CACNA1B: variants seen among roughly 807,000 people sequenced by gnomAD.
The protein encoded by CACNA1B is calcium voltage-gated channel subunit alpha1 B, also known as voltage-dependent N-type calcium channel subunit alpha-1B.
In CACNA1B, 70 loss-of-function variants were observed where a neutral mutation model predicts 247.2. The ratio of observed to expected loss-of-function variants is 0.28; its 90% CI spans 0.23 to 0.35. The LOEUF (loss-of-function observed/expected upper bound fraction) is 0.35. Among genes scored for constraint, CACNA1B ranks in the 10% least tolerant of loss-of-function variants. The probability of loss-of-function intolerance (pLI) is 1.00; values close to 1 mark genes in which losing one functional copy is unlikely to be tolerated. For missense variants in CACNA1B, 2,367 were observed against 3,197.4 expected (o/e 0.74, Z 6.26); for synonymous variants, 1,231 against 1,294.4 (o/e 0.95, Z 1.05).
rs538846223 is a variant in CACNA1B, at chr9:138,026,052, A to C, written c.3286+880A>C. On this transcript the variant is annotated intron_variant, in intron 20 of 46. Transcript: ENST00000371372. ...CGGATCTCCACACACAGATGTGTGC[A>C]TGTCCGTGTTTGCAGATGCATCCGC... 4.6e-5 allele frequency among the ~76,000 whole-genome samples: 7 copies of C among 152,282 alleles called. No individual in the cohort carries two copies. The South Asian group carries it at 1.5e-3, about 32-fold the overall frequency.
intron 3 of CACNA1B, among the ~76,000 whole-genome samples, chr9:137,905,809 G>A (rs1457874616): frequency 6.6e-6 from 1 of 152,178 alleles, no homozygotes; most frequent in African/African-American, 2.4e-5. Flanking sequence ...GCCTTCCTGG[G>A]GTTAAATATG....
At chr9:137,909,898 G>C (rs1957341772) in intron 3 of CACNA1B, among the ~76,000 whole-genome samples, 2 of 152,014 alleles carry the variant, frequency 1.3e-5, no homozygotes, top group Non-Finnish European at 2.9e-5. Context: ...AGCCTCCCAA[G>C]TGGTTGGGAT....
At chr9:137,948,690 A>ATGTGTGTGTGTCTGGTG (rs1957827392) in intron 6 of CACNA1B, among the ~76,000 whole-genome samples, 1 of 138,620 alleles carries the variant, frequency 7.2e-6, no homozygotes, top group Non-Finnish European at 1.6e-5. Flanking sequence ...TGTGGTGTGC[A>ATGTGTGTGTGTCTGGTG]TGTGTGTGTG....
At chr9:137,909,197 T>G (rs1321122206) in intron 3 of CACNA1B, among the ~76,000 whole-genome samples, 1 of 151,762 alleles carries the variant, frequency 6.6e-6, no homozygotes, top group Non-Finnish European at 1.5e-5. Context: ...TCCATGTTGG[T>G]CAGGCTTGTC....
At chr9:138,017,343 G>A (rs1958805921) in intron 18 of CACNA1B, 1 of 429,866 alleles carries the variant, frequency 2.3e-6, no homozygotes, top group African/African-American at 2.0e-5. Flanking sequence ...TGTGGCCTGA[G>A]CGGGGAATGG....
chr9:137,938,735 C>T (rs990617035), intron 6 of CACNA1B, among the ~76,000 whole-genome samples: 10 of 152,178 alleles, frequency 6.6e-5, no homozygotes, highest in African/African-American at 2.2e-4. Context: ...GCACCTAACA[C>T]TGGAGCTCCC....
Position 137,955,595 on chromosome 9 carries a change from C to A in CACNA1B, c.1071-103C>A, listed in dbSNP as rs1054319502. 5 of 747,898 alleles carry A rather than the reference C, an allele frequency of 6.7e-6. No individual in the cohort carries two copies. In the African/African-American group the frequency reaches 7.1e-5, roughly 11 times the overall value. 46.3% of individuals were successfully genotyped at this position (747,898 alleles called of 1,614,324 possible). On this transcript the variant is annotated intron_variant, in intron 7 of 46. Transcript: ENST00000371372. This position sits in a 1 kb window ranked among gnomAD's most constrained non-coding sequence, Gnocchi z 6.9. ...GCCTGAAGCAGCAGCCTGCAGCCTGCGTCTCCTGTCCCAGGCTTTCCCTGG... is the reference window on the plus strand; with the variant it reads ...GCCTGAAGCAGCAGCCTGCAGCCTGAGTCTCCTGTCCCAGGCTTTCCCTGG...
chr9:137,962,710 A>C, intron 10 of CACNA1B, among the ~76,000 whole-genome samples: 1 of 152,172 alleles, frequency 6.6e-6, no homozygotes, highest in East Asian at 1.9e-4. Flanking sequence ...TGAATTTCTT[A>C]ATCTTGAGTT....
chr9:138,021,282 C>A (rs1465385991), intron 18 of CACNA1B, among the ~76,000 whole-genome samples: 2 of 152,168 alleles, frequency 1.3e-5, no homozygotes, highest in Non-Finnish European at 2.9e-5. Context: ...GGCTGGGGGT[C>A]TGCAGACGGC....
intron 39 of CACNA1B, among the ~76,000 whole-genome samples, chr9:138,111,954 A>G (rs1423983939): frequency 7.6e-6 from 1 of 131,584 alleles, no homozygotes; most frequent in Non-Finnish European, 1.6e-5. Flanking sequence ...TTTTTTTTTT[A>G]CTTATTACTG....
rs765788499 is a variant in CACNA1B at position 138,120,263 on chromosome 9, C to A, written c.6129C>A (p.Pro2043=). ...HLCSTTPDRP[P]PSQASSHHHH... Reference sequence around the variant, plus strand: ...GCAGCACCACCCCGGACCGCCCACCCCCTAGCCAGGCGTCGTCGCACCACC... The same window carrying A: ...GCAGCACCACCCCGGACCGCCCACCACCTAGCCAGGCGTCGTCGCACCACC... The change falls in exon 45 of 47, where the codon CCC becomes CCA. Residue 2043 remains proline, a synonymous_variant. Transcript: ENST00000371372. The A allele has an allele frequency of 3.1e-6, 5 of 1,598,810 alleles. No homozygotes were observed. The highest frequency in any genetic ancestry group is 3.4e-6 in the Non-Finnish European group (4 of 1,174,286).
At chr9:138,022,876 G>A (rs1589074284) in intron 18 of CACNA1B, 135 bp from the exon 19 acceptor site, 2 of 1,195,044 alleles carry the variant, frequency 1.7e-6, no homozygotes, top group South Asian at 1.8e-5. Context: ...TCCCCCGAGG[G>A]GTGTGGGGGC....
chr9:138,002,326 G>A lies in CACNA1B; in HGVS notation c.1975-4441G>A, dbSNP rs118180799. On this transcript the variant is annotated intron_variant, in intron 15 of 46. Coordinates refer to ENST00000371372, the MANE Select transcript of CACNA1B (RefSeq NM_000718.4). ...TTGGCTTTCCGTATGAAAAAAATTG[G>A]ATCATCATCTCCATGCATGCACAAA... Among the ~76,000 whole-genome samples the A allele has an allele frequency of 7.7e-3, 1,169 of 152,168 alleles. 68 individuals carry two copies. The East Asian group carries it at 0.15, about 20-fold the overall frequency.
chr9:137,897,736 T>G (rs1038167240), intron 3 of CACNA1B, among the ~76,000 whole-genome samples: 3 of 151,874 alleles, frequency 2.0e-5, no homozygotes, highest in African/African-American at 7.3e-5. Flanking sequence ...TATTATATTT[T>G]TGCAGCGATC....
In CACNA1B at chr9:137,891,749, T is replaced by G; in HGVS notation, c.530+8866T>G. 3.2e-6 allele frequency: 1 copy of G among 315,798 alleles called. No homozygotes were observed. The highest frequency in any genetic ancestry group is 4.5e-5 in the Admixed American group (1 of 22,110). The allele number at this position is 315,798 out of a possible 1,614,324, so 19.6% of individuals were successfully genotyped here. On this transcript the variant is annotated intron_variant, in intron 3 of 46. Coordinates refer to ENST00000371372, the MANE Select transcript of CACNA1B (RefSeq NM_000718.4). This position sits in a 1 kb window ranked among gnomAD's most constrained non-coding sequence, Gnocchi z 4.3. ...AAGGCAGGTGCTGGCTGTGGGGCTG[T>G]AGAGTGGAGGGGCCTCCACCCTGCG...
At chr9:138,110,067 C>T (rs1194302640) in intron 39 of CACNA1B, among the ~76,000 whole-genome samples, 2 of 151,142 alleles carry the variant, frequency 1.3e-5, no homozygotes, top group Admixed American at 6.6e-5. Context: ...TGGAAAAAAT[C>T]GATAAATTGA....
At chr9:138,076,276 T>C (rs1960315811) in intron 35 of CACNA1B, among the ~76,000 whole-genome samples, 1 of 152,156 alleles carries the variant, frequency 6.6e-6, no homozygotes, top group Non-Finnish European at 1.5e-5. Flanking sequence ...GGGGCTCTCT[T>C]GAAGTGCGGG....
intron 15 of CACNA1B, among the ~76,000 whole-genome samples, chr9:137,994,145 G>A (rs185267167): frequency 6.6e-6 from 1 of 152,274 alleles, no homozygotes; most frequent in Non-Finnish European, 1.5e-5. Flanking sequence ...ACAGAATCCA[G>A]CATCATTTTA....
At chr9:138,087,159 G>A (rs1035076796) in intron 36 of CACNA1B, among the ~76,000 whole-genome samples, 3 of 150,642 alleles carry the variant, frequency 2.0e-5, no homozygotes, top group Admixed American at 2.0e-4. Context: ...GCTGAAGCGG[G>A]CAGATCATTT....
Sources: allele counts gnomAD v4.1 joint callset (sites outside exome capture counted in the v4.1 genomes callset), GRCh38; gene constraint gnomAD v4.1.1; non-coding constraint Gnocchi (gnomAD v3.1); transcripts MANE v1.5; gene names NCBI Gene and HGNC (gene_info 2026-07-23, HGNC 2026-07-21).